The following CRISP1 variants were observed in gnomAD, a reference collection of about 807,000 sequenced individuals.
CRISP1 encodes the protein cysteine rich secretory protein 1, also known as cysteine-rich secretory protein 1.
In CRISP1, 44 loss-of-function variants were observed where a neutral mutation model predicts 33.1. That is an observed-to-expected ratio of 1.33 (90% CI 1.05 to 1.71). CRISP1 has a LOEUF of 1.71. Ranked by LOEUF, CRISP1 falls within the 40% of genes most tolerant of loss-of-function variation. The probability of loss-of-function intolerance (pLI) is 0.00; values close to 1 mark genes in which losing one functional copy is unlikely to be tolerated. For synonymous variants in CRISP1, 103 were observed against 98.7 expected, an observed-to-expected ratio of 1.04 and a Z score of -0.26; for missense variants, 390 against 301.2, an observed-to-expected ratio of 1.29 and a Z score of -2.18.
chr6:49,872,181 G>A (rs1185884130), intron 1 of CRISP1, among the ~76,000 whole-genome samples: 1 of 152,034 alleles, frequency 6.6e-6, no homozygotes, highest in Non-Finnish European at 1.5e-5. Context: ...TGTGTCTTTG[G>A]GCTGCATAAA....
At chr6:49,863,886 C>A (rs1313570348) in intron 1 of CRISP1, among the ~76,000 whole-genome samples, 1 of 152,208 alleles carries the variant, frequency 6.6e-6, no homozygotes, top group Non-Finnish European at 1.5e-5. Flanking sequence ...CTCAGTGAAT[C>A]TGTTATTTGT....
upstream of CRISP1, among the ~76,000 whole-genome samples, chr6:49,870,508 G>A (rs989405347): frequency 1.3e-4 from 20 of 152,112 alleles, no homozygotes; most frequent in African/African-American, 4.8e-4. Context: ...TTGAAACACA[G>A]CTAGCCCATA....
rs1771526721 is a variant in CRISP1, at chr6:49,857,385, G to A, written c.16C>T (p.Leu6Phe). 6.2e-7 allele frequency: 1 copy of A among 1,612,580 alleles called. No individual in the cohort carries two copies. Among genetic ancestry groups the A allele is most frequent in the African/African-American group, 1.3e-5 (1 of 74,944 alleles). MEIKH[L>F]LFLVAAACLL... Reference sequence around the variant, plus strand: ...CAAGCAGCAGCAACCAAAAACAAGAGGTGTTTAATTTCCATCCCTGAAAGA... The same window carrying A: ...CAAGCAGCAGCAACCAAAAACAAGAAGTGTTTAATTTCCATCCCTGAAAGA... The change falls in exon 2 of 8, where the codon CTC (leucine) becomes TTC (phenylalanine). Residue 6 changes from leucine (L) to phenylalanine (F), a missense_variant. Coordinates refer to ENST00000335847, the MANE Select transcript of CRISP1 (RefSeq NM_001131.3).
At chr6:49,868,173 G>T (rs72863148), upstream of CRISP1, among the ~76,000 whole-genome samples, 1,584 of 152,234 alleles carry the variant, frequency 0.01, 11 homozygotes, top group Non-Finnish European at 0.015. Flanking sequence ...GGTTTTAAAA[G>T]AATTTGGGAA....
intron 1 of CRISP1, among the ~76,000 whole-genome samples, chr6:49,863,833 A>T (rs1771721427): frequency 6.6e-6 from 1 of 152,250 alleles, no homozygotes; most frequent in African/African-American, 2.4e-5. Context: ...AAGAATTAAC[A>T]TGAACTCTAC....
intron 1 of CRISP1, among the ~76,000 whole-genome samples, chr6:49,865,530 A>T (rs1194168866): frequency 6.6e-6 from 1 of 152,208 alleles, no homozygotes; most frequent in Non-Finnish European, 1.5e-5. Flanking sequence ...AGTCAATTTG[A>T]TCCATTGCAT....
chr6:49,836,160 A>G (rs1770784397), intron 7 of CRISP1, among the ~76,000 whole-genome samples: 1 of 152,198 alleles, frequency 6.6e-6, no homozygotes, highest in African/African-American at 2.4e-5. Context: ...GGCAAAAATA[A>G]CAATAATTTA....
intron 6 of CRISP1, among the ~76,000 whole-genome samples, chr6:49,839,300 A>G (rs2127468989): frequency 7.6e-6 from 1 of 131,606 alleles, no homozygotes; most frequent in African/African-American, 2.9e-5. Context: ...AAAAAAAAAA[A>G]ATTAGTTAGG....
At chr6:49,870,433 G>A (rs564588836), upstream of CRISP1, among the ~76,000 whole-genome samples, 4 of 152,284 alleles carry the variant, frequency 2.6e-5, no homozygotes, top group Admixed American at 2.6e-4. Context: ...AGGAGTTATT[G>A]TAGGTTGGAA....
intron 1 of CRISP1, among the ~76,000 whole-genome samples, chr6:49,860,590 T>C (rs1381268594): frequency 6.6e-6 from 1 of 152,064 alleles, no homozygotes; most frequent in Non-Finnish European, 1.5e-5. Context: ...AAACACAGCA[T>C]ACCAAAACCT....
chr6:49,865,475 C>A (rs1273709071), intron 1 of CRISP1, among the ~76,000 whole-genome samples: 1 of 152,140 alleles, frequency 6.6e-6, no homozygotes, highest in African/African-American at 2.4e-5. Flanking sequence ...AGTGTGCAGT[C>A]ATATTTCTTC....
rs1156943563 is a variant in CRISP1, at chr6:49,852,076, T to C, written c.120A>G (p.Val40=). The change falls in exon 3 of 8, where the codon GTA becomes GTG. Residue 40 remains valine (V), a synonymous_variant. Coordinates refer to ENST00000335847, the MANE Select transcript of CRISP1 (RefSeq NM_001131.3). ...TGTGTATATTAACGATCTCTTCTTG[T>C]ACATTTGGCAAGTCGGTGACGAGCT... is the stretch of plus-strand genomic sequence containing the variant. The part of the protein sequence containing the change: ...FNKLVTDLPN[V]QEEIVNIHNA... 1 of 1,613,374 alleles carries C rather than the reference T, an allele frequency of 6.2e-7. No homozygotes were observed. The highest frequency in any genetic ancestry group is 2.2e-5 in the East Asian group (1 of 44,856).
rs866794033 is a variant in CRISP1 at position 49,835,041 on chromosome 6, C to A, written c.*275G>T. ...TTTAGCCCAGGTTACTGTTGAGGGA[C>A]CCAGTTATACCATAAGTTGAATTAT... On this transcript the variant is annotated 3_prime_UTR_variant, in exon 8 of 8. Coordinates refer to ENST00000335847, the MANE Select transcript of CRISP1 (RefSeq NM_001131.3). The A allele has an allele frequency of 1.1e-5, 3 of 264,380 alleles. No homozygotes were observed. The highest frequency in any genetic ancestry group is 6.6e-5 in the African/African-American group (3 of 45,174). 16.4% of individuals were successfully genotyped at this position (264,380 alleles called of 1,614,324 possible).
upstream of CRISP1, among the ~76,000 whole-genome samples, chr6:49,869,821 C>T (rs1031439562): frequency 6.6e-6 from 1 of 152,134 alleles, no homozygotes; most frequent in Admixed American, 6.6e-5. Context: ...AGAGTTAGGG[C>T]CTTTTGGGAA....
chr6:49,851,587 G>T (rs149722581), intron 3 of CRISP1, among the ~76,000 whole-genome samples: 2,445 of 152,260 alleles, frequency 0.016, 33 homozygotes, highest in Non-Finnish European at 0.024. Flanking sequence ...GCTATGAAAT[G>T]CATGGATAAC....
chr6:49,863,401 G>A (rs1471289080), intron 1 of CRISP1, among the ~76,000 whole-genome samples: 2 of 152,110 alleles, frequency 1.3e-5, no homozygotes, highest in Non-Finnish European at 2.9e-5. Context: ...GGTAAAGGTA[G>A]CTCTTCTGAA....
chr6:49,875,745 C>A lies in CRISP1; in HGVS notation c.-3+1264G>T, dbSNP rs750336764. Among the ~76,000 whole-genome samples, 93 of 152,102 alleles carry A rather than the reference C, an allele frequency of 6.1e-4. 2 individuals carry two copies. The highest frequency in any genetic ancestry group is 2.1e-4 in the Non-Finnish European group (14 of 68,020). On this transcript the variant is annotated intron_variant, in intron 1 of 7. Coordinates refer to the CRISP1 transcript ENST00000505118. ...AATAGAGAACTCAGAAATAAGACCA[C>A]ATACCTACAACCATCTGATCTTTGA...
At chr6:49,870,653 T>G (rs1771901429), upstream of CRISP1, among the ~76,000 whole-genome samples, 1 of 152,294 alleles carries the variant, frequency 6.6e-6, no homozygotes, top group Admixed American at 6.5e-5. Context: ...TAACCTTCAG[T>G]TTCTTGTGAG....
intron 6 of CRISP1, among the ~76,000 whole-genome samples, chr6:49,840,300 C>T (rs573815194): frequency 5.8e-4 from 89 of 152,284 alleles, no homozygotes; most frequent in Middle Eastern, 3.4e-3. Context: ...CAGAACCTTA[C>T]TGAAACAATC....
Sources: allele counts gnomAD v4.1 joint callset (sites outside exome capture counted in the v4.1 genomes callset), GRCh38; gene constraint gnomAD v4.1.1; transcripts MANE v1.5; gene names NCBI Gene and HGNC (gene_info 2026-07-23, HGNC 2026-07-21).